Variants in CSMD1 observed in about 807,000 individuals in gnomAD.
CSMD1 encodes the protein CUB and Sushi multiple domains 1.
In CSMD1, 213 loss-of-function variants were observed where a neutral mutation model predicts 417.5. The ratio of observed to expected loss-of-function variants is 0.51; its 90% CI spans 0.46 to 0.57. The LOEUF (loss-of-function observed/expected upper bound fraction) is 0.57. Among genes scored for constraint, CSMD1 ranks in the 20% least tolerant of loss-of-function variants. The pLI is 0.00. For missense variants in CSMD1, 6,923 were observed against 4,529.7 expected (o/e 1.53, Z -15.17); for synonymous variants, 2,862 against 1,736.8 (o/e 1.65, Z -16.11).
At chr8:4,751,448 C>A (rs1178733003) in intron 1 of CSMD1, among the ~76,000 whole-genome samples, 1 of 151,994 alleles carries the variant, frequency 6.6e-6, no homozygotes, top group Non-Finnish European at 1.5e-5. Flanking sequence ...TTGATTTCCT[C>A]AGTAGTTCAT....
At chr8:4,122,598 G>A (rs1442375139) in intron 3 of CSMD1, among the ~76,000 whole-genome samples, 5 of 152,108 alleles carry the variant, frequency 3.3e-5, no homozygotes, top group Non-Finnish European at 7.3e-5. Flanking sequence ...ACAAAATTAG[G>A]GCTCTTCTGC....
chr8:3,228,567 G>A (rs903832341), intron 27 of CSMD1, among the ~76,000 whole-genome samples: 3 of 152,112 alleles, frequency 2.0e-5, no homozygotes, highest in Non-Finnish European at 4.4e-5. Context: ...CTTTTGGTGC[G>A]TATTGGACTA....
At chr8:4,026,517 A>T (rs1224717632) in intron 4 of CSMD1, among the ~76,000 whole-genome samples, 1 of 152,226 alleles carries the variant, frequency 6.6e-6, no homozygotes. Flanking sequence ...GAGGATATGT[A>T]AGCAAAAAAG....
intron 26 of CSMD1, among the ~76,000 whole-genome samples, chr8:3,237,244 G>T (rs2116944762): frequency 7.5e-6 from 1 of 133,210 alleles, no homozygotes; most frequent in Middle Eastern, 4.0e-3. Flanking sequence ...GAGGCGAGTG[G>T]ATCAAAAGGT....
Position 4,941,780 on chromosome 8 carries a change from G to C in CSMD1, c.85+52552C>G, listed in dbSNP as rs564829493. Among the ~76,000 whole-genome samples the C allele has an allele frequency of 4.6e-5, 7 of 152,052 alleles. 1 individual carries two copies. In the South Asian group the frequency reaches 1.5e-3, roughly 32 times the overall value. On this transcript the variant is annotated intron_variant, in intron 1 of 69. Coordinates refer to ENST00000635120, the MANE Select transcript of CSMD1 (RefSeq NM_033225.6). ...TGCCCGACTGATTTTCAATTCTTTTGTAGGGACAGGGTCTCCCCATGTTGC... is the reference window on the plus strand; with the variant it reads ...TGCCCGACTGATTTTCAATTCTTTTCTAGGGACAGGGTCTCCCCATGTTGC...
chr8:4,396,198 C>G (rs768651865), intron 3 of CSMD1, among the ~76,000 whole-genome samples: 2 of 152,088 alleles, frequency 1.3e-5, no homozygotes, highest in African/African-American at 2.4e-5. Context: ...GGCACAATGA[C>G]TCACGCCAAT....
At chr8:3,217,730 C>T (rs1261229426) in intron 29 of CSMD1, among the ~76,000 whole-genome samples, 2 of 152,068 alleles carry the variant, frequency 1.3e-5, no homozygotes. Flanking sequence ...TAAAATTGTA[C>T]ATTTTAGTAA....
chr8:4,286,818 C>G (rs1253123155), intron 3 of CSMD1, among the ~76,000 whole-genome samples: 3 of 152,128 alleles, frequency 2.0e-5, no homozygotes, highest in African/African-American at 7.2e-5. Flanking sequence ...AAAAGTTGAT[C>G]TTTCAGTTGC....
chr8:3,799,921 T>C (rs956897115), intron 5 of CSMD1, among the ~76,000 whole-genome samples: 4 of 152,188 alleles, frequency 2.6e-5, no homozygotes, highest in Non-Finnish European at 5.9e-5. Flanking sequence ...AACTTTCCTG[T>C]TTCTCAAATA....
intron 1 of CSMD1, among the ~76,000 whole-genome samples, chr8:4,862,284 G>A (rs1168780505): frequency 6.6e-6 from 1 of 152,072 alleles, no homozygotes; most frequent in African/African-American, 2.4e-5. Flanking sequence ...GCCTGTAAGT[G>A]AGAGTATCAA....
chr8:3,135,316 A>G (rs1454089395), intron 41 of CSMD1, among the ~76,000 whole-genome samples: 1 of 152,254 alleles, frequency 6.6e-6, no homozygotes, highest in East Asian at 1.9e-4. Flanking sequence ...CTTCATTTAC[A>G]TAGAGTTTTA....
At chr8:4,417,539 A>G (rs953747460) in intron 3 of CSMD1, among the ~76,000 whole-genome samples, 5 of 152,078 alleles carry the variant, frequency 3.3e-5, no homozygotes, top group African/African-American at 7.2e-5. Context: ...TGAATTTATT[A>G]TAATATGAAA....
At chr8:4,191,628 G>A (rs186085108) in intron 3 of CSMD1, among the ~76,000 whole-genome samples, 14 of 150,106 alleles carry the variant, frequency 9.3e-5, no homozygotes, top group Non-Finnish European at 1.8e-4. Flanking sequence ...AAAACTACAA[G>A]ATACATTGAA....
chr8:4,447,978 C>G (rs1021289601), intron 2 of CSMD1, among the ~76,000 whole-genome samples: 1 of 152,176 alleles, frequency 6.6e-6, no homozygotes, highest in Non-Finnish European at 1.5e-5. Flanking sequence ...ACCAAAAAGC[C>G]TCTTGGAAAT....
intron 3 of CSMD1, among the ~76,000 whole-genome samples, chr8:4,147,520 G>A (rs1020811620): frequency 1.6e-4 from 25 of 152,124 alleles, no homozygotes; most frequent in African/African-American, 6.0e-4. Flanking sequence ...CTCCATTAGA[G>A]CCCTCCTCCT....
intron 3 of CSMD1, among the ~76,000 whole-genome samples, chr8:4,255,895 A>G (rs1803422694): frequency 6.6e-6 from 1 of 152,300 alleles, no homozygotes; most frequent in East Asian, 1.9e-4. Flanking sequence ...TGGTAAACCC[A>G]TGAGGGCAGA....
At chr8:3,695,118 T>TGTGTGTGTGTGTGTGGG in intron 7 of CSMD1, among the ~76,000 whole-genome samples, 1 of 43,030 alleles carries the variant, frequency 2.3e-5, no homozygotes, top group African/African-American at 7.8e-5. Flanking sequence ...GTGTGTGTGG[T>TGTGTGTGTGTGTGTGGG]TATTGAAGAA....
chr8:4,828,811 T>C (rs1563518329), intron 1 of CSMD1, among the ~76,000 whole-genome samples: 1 of 152,142 alleles, frequency 6.6e-6, no homozygotes, highest in Non-Finnish European at 1.5e-5. Flanking sequence ...CCAGAAGTAC[T>C]GTTGTGAAGA....
intron 66 of CSMD1, among the ~76,000 whole-genome samples, chr8:2,950,707 CAT>C (rs1387893071): frequency 1.3e-5 from 2 of 152,096 alleles, no homozygotes; most frequent in African/African-American, 4.8e-5. Flanking sequence ...TGATAATACA[CAT>C]ACAGTGCTTA....
Sources: gnomAD v4.1 joint callset for allele counts (sites outside exome capture counted in the v4.1 genomes callset) on GRCh38, gnomAD v4.1.1 for gene constraint, MANE v1.5 for transcripts, NCBI Gene and HGNC (gene_info 2026-07-23, HGNC 2026-07-21) for gene names.